The following AHRR variants were observed in gnomAD, a reference collection of about 807,000 sequenced individuals.
The protein encoded by AHRR is ahR repressor.
AHRR carries 28 observed loss-of-function variants against 44.0 expected under a neutral mutation model. The ratio of observed to expected loss-of-function variants is 0.64; its 90% CI spans 0.47 to 0.87. AHRR has a LOEUF of 0.87. Among genes scored for constraint, AHRR ranks in the 40% least tolerant of loss-of-function variants. The probability of loss-of-function intolerance (pLI) is 0.00; values close to 1 mark genes in which losing one functional copy is unlikely to be tolerated. For synonymous variants in AHRR, 434 were observed against 407.0 expected, an observed-to-expected ratio of 1.07 and a Z score of -0.80; for missense variants, 990 against 953.9, an observed-to-expected ratio of 1.04 and a Z score of -0.50.
At chr5:360,024 C>T (rs1743122374) in intron 3 of AHRR, among the ~76,000 whole-genome samples, 1 of 152,224 alleles carries the variant, frequency 6.6e-6, no homozygotes, top group Admixed American at 6.5e-5. Context: ...ATGTTTGTCT[C>T]ATCCCTTCAC....
At position 363,827 on chromosome 5, in the gene AHRR, C is replaced by T. The variant is rs115167768; in HGVS notation, c.244+9916C>T. Among the ~76,000 whole-genome samples, 811 of 152,284 alleles carry T rather than the reference C, an allele frequency of 5.3e-3. 7 individuals are homozygous for T. Among genetic ancestry groups the T allele is most frequent in the African/African-American group, 0.019 (771 of 41,564 alleles). On this transcript the variant is annotated intron_variant, in intron 3 of 10. Coordinates refer to ENST00000684583, the MANE Select transcript of AHRR (RefSeq NM_001377236.1). ...CACTGCCCCCCTCTCCCAAGGAAGC[C>T]CTCCTGTCAAACTTGAGCTTCTCTC...
chr5:332,929 CTTTTTT>C (rs57937804), intron 1 of AHRR, among the ~76,000 whole-genome samples: 1 of 132,074 alleles, frequency 7.6e-6, no homozygotes, highest in Non-Finnish European at 1.6e-5. Context: ...TGACCTTTGT[CTTTTTT>C]TTTTTTTTTT....
chr5:382,640 C>T (rs983856499), intron 4 of AHRR, among the ~76,000 whole-genome samples: 3 of 151,706 alleles, frequency 2.0e-5, no homozygotes, highest in African/African-American at 4.8e-5. Context: ...GGTACCTGTT[C>T]TTATCTTTAT....
chr5:415,701 G>GGCCTAGGGGCCGAA (rs1560916501), intron 5 of AHRR, among the ~76,000 whole-genome samples: 12 of 104,384 alleles, frequency 1.1e-4, no homozygotes, highest in Admixed American at 2.0e-4. Flanking sequence ...TAGGGGCGGA[G>GGCCTAGGGGCCGAA]TCTGCCTGGT....
chr5:325,409 T>G (rs1741671319), intron 1 of AHRR, among the ~76,000 whole-genome samples: 2 of 152,206 alleles, frequency 1.3e-5, no homozygotes, highest in South Asian at 4.1e-4. Context: ...CCCACCAGAC[T>G]GGGGCCAGGC....
chr5:399,299 C>T (rs1734910009), intron 4 of AHRR, among the ~76,000 whole-genome samples: 6 of 152,246 alleles, frequency 3.9e-5, no homozygotes. Context: ...CCTGGCGCTT[C>T]TGGAGGGAGA....
At chr5:431,795 T>G (rs1405717488) in intron 8 of AHRR, among the ~76,000 whole-genome samples, 1 of 152,188 alleles carries the variant, frequency 6.6e-6, no homozygotes, top group Non-Finnish European at 1.5e-5. Context: ...TTTGCAGCCA[T>G]TCATGGACAT....
intron 4 of AHRR, chr5:403,592 C>T (rs1047615378): frequency 4.9e-6 from 2 of 408,428 alleles, no homozygotes; most frequent in Non-Finnish European, 8.8e-6. Flanking sequence ...GCCGAGATCG[C>T]ACCACACTGT....
chr5:423,589 C>CT (rs750090578), intron 6 of AHRR, among the ~76,000 whole-genome samples: 5 of 152,216 alleles, frequency 3.3e-5, no homozygotes, highest in Admixed American at 6.5e-5. Context: ...TTCTGTAAAG[C>CT]TAAAAACAAG....
At position 387,539 on chromosome 5, in the gene AHRR, A is replaced by G. The variant is rs1336614963; in HGVS notation, c.351+10823A>G. 6.6e-6 allele frequency among the ~76,000 whole-genome samples: 1 copy of G among 152,180 alleles called. No homozygotes were observed. The highest frequency in any genetic ancestry group is 1.5e-5 in the Non-Finnish European group (1 of 68,024). ...CACAGCAGCCACGCAACAGGCACAC[A>G]ACAGCCATGCAGCACGTCCCTCCAC... On this transcript the variant is annotated intron_variant, in intron 4 of 10. Transcript: ENST00000684583. This position sits in a 1 kb window ranked among gnomAD's most constrained non-coding sequence, Gnocchi z 5.1.
intron 4 of AHRR, among the ~76,000 whole-genome samples, chr5:398,822 C>T (rs904262002): frequency 3.3e-5 from 5 of 152,194 alleles, no homozygotes; most frequent in Admixed American, 3.3e-4. Context: ...GAGTGGCCCT[C>T]AGCAAACTGT....
At chr5:325,286 G>A (rs992222298) in intron 1 of AHRR, among the ~76,000 whole-genome samples, 3 of 152,186 alleles carry the variant, frequency 2.0e-5, no homozygotes, top group Admixed American at 6.5e-5. Context: ...TTCTGGGGCT[G>A]GTGTAGGTCA....
chr5:404,204 C>A lies in AHRR; in HGVS notation c.352-9140C>A. 1.9e-6 allele frequency: 1 copy of A among 528,268 alleles called. No homozygotes were observed. Among genetic ancestry groups the A allele is most frequent in the Non-Finnish European group, 3.7e-6 (1 of 271,074 alleles). The allele number at this position is 528,268 out of a possible 1,614,324, so 32.7% of individuals were successfully genotyped here. On this transcript the variant is annotated intron_variant, in intron 4 of 10. Transcript: ENST00000684583. The surrounding 1 kb of genome is among the most constrained non-coding windows in gnomAD (Gnocchi z 4.1). ...AGCTGGTCTTCTGCAGCCTTTGAAC[C>A]CGTCGCAGCTCTCGCTCATCCATGA... is the stretch of plus-strand genomic sequence containing the variant.
chr5:420,963 C>T, intron 5 of AHRR: 1 of 245,274 alleles, frequency 4.1e-6, no homozygotes, highest in Non-Finnish European at 7.4e-6. Context: ...CATACGCTGG[C>T]ACCGCTGAAC....
intron 4 of AHRR, among the ~76,000 whole-genome samples, chr5:377,860 A>T (rs1046008312): frequency 2.0e-5 from 3 of 152,220 alleles, no homozygotes; most frequent in African/African-American, 7.2e-5. Flanking sequence ...CTCTCCAAGA[A>T]GACTTTGGAA....
chr5:420,363 G>C (rs927364600), intron 5 of AHRR, among the ~76,000 whole-genome samples: 1 of 152,238 alleles, frequency 6.6e-6, no homozygotes, highest in African/African-American at 2.4e-5. Flanking sequence ...AGTCAAGGGA[G>C]AAAGAAGGAG....
In AHRR at chr5:405,641, G is replaced by A. The variant is rs1229467046; in HGVS notation, c.352-7703G>A. On this transcript the variant is annotated intron_variant, in intron 4 of 10. Transcript: ENST00000684583. This position sits in a 1 kb window ranked among gnomAD's most constrained non-coding sequence, Gnocchi z 4.5. ...GGCGGCACACCCTTCAGGTCGGTGG[G>A]AGTGAGGGCCTTCGGGTCGCCGGCA... 6.6e-6 allele frequency among the ~76,000 whole-genome samples: 1 copy of A among 152,150 alleles called. No homozygotes were observed. The highest frequency in any genetic ancestry group is 1.5e-5 in the Non-Finnish European group (1 of 68,026).
intron 4 of AHRR, among the ~76,000 whole-genome samples, chr5:400,292 GAC>G (rs1364437943): frequency 3.3e-5 from 5 of 152,196 alleles, no homozygotes; most frequent in Non-Finnish European, 7.3e-5. Flanking sequence ...TAAAGGGTTT[GAC>G]AGAGGAAGTT....
intron 1 of AHRR, among the ~76,000 whole-genome samples, chr5:341,322 T>C (rs1275116984): frequency 6.6e-6 from 1 of 152,182 alleles, no homozygotes; most frequent in Non-Finnish European, 1.5e-5. Context: ...GCCTCAGCTC[T>C]ATAATTTTTC....
Sources: gnomAD v4.1 joint callset for allele counts (sites outside exome capture counted in the v4.1 genomes callset) on GRCh38, gnomAD v4.1.1 for gene constraint, Gnocchi (gnomAD v3.1) non-coding constraint, MANE v1.5 for transcripts, NCBI Gene and HGNC (gene_info 2026-07-23, HGNC 2026-07-21) for gene names.